SMAD4: variants seen among roughly 807,000 people sequenced by gnomAD.
SMAD4 encodes SMAD family member 4.
Under a neutral mutation model 63.2 loss-of-function variants are expected in SMAD4, and 7 were observed. That is an observed-to-expected ratio of 0.11 (90% CI 0.06 to 0.21). The LOEUF is 0.21. Among genes scored for constraint, SMAD4 ranks in the 10% least tolerant of loss-of-function variants. The pLI is 1.00. For missense variants in SMAD4, 312 were observed against 693.8 expected (o/e 0.45, Z 6.18); for synonymous variants, 215 against 235.4 (o/e 0.91, Z 0.79).
rs1233291131 is a variant in SMAD4, at chr18:51,059,738, C to G, written c.905-128C>G. 57 of 716,098 alleles carry G rather than the reference C, an allele frequency of 8.0e-5. 2 individuals are homozygous for G. In the Admixed American group the frequency reaches 1.2e-3, roughly 15 times the overall value. The allele number at this position is 716,098 out of a possible 1,614,324, so 44.4% of individuals were successfully genotyped here. A position where few individuals can be genotyped will look rare whatever the true frequency, so the allele number is the denominator to read the frequency against. The stretch of plus-strand genomic sequence containing the variant: ...TATTGTAAACTTTTAAGTTCTTAGA[C>G]ATTGCATAAGCTTGTTTTAAACAAT... On this transcript the variant is annotated intron_variant, in intron 7 of 11. Transcript: ENST00000342988.
intron 5 of SMAD4, 145 bp from the exon 6 acceptor site, chr18:51,057,980 T>A: frequency 2.2e-6 from 2 of 911,472 alleles, no homozygotes; most frequent in South Asian, 3.0e-5. Context: ...GTAGGTTTTT[T>A]ACCTGATAGG....
Position 51,065,713 on chromosome 18 carries a change from A to G in SMAD4, c.1139+107A>G, listed in dbSNP as rs921020877. The G allele has an allele frequency of 1.8e-5, 15 of 855,770 alleles. No homozygotes were observed. The Middle Eastern group carries it at 9.8e-4, about 56-fold the overall frequency. The allele number at this position is 855,770 out of a possible 1,614,324, so 53.0% of individuals were successfully genotyped here. On this transcript the variant is annotated intron_variant, in intron 9 of 11. Transcript: ENST00000342988. Reference sequence around the variant, plus strand: ...GTACATTATATGTGTTCTTAAATATAAATAAAGGAATAAAGGTCATGTTGA... The same window carrying G: ...GTACATTATATGTGTTCTTAAATATGAATAAAGGAATAAAGGTCATGTTGA...
Position 51,059,812 on chromosome 18 carries a change from G to C in SMAD4, c.905-54G>C, listed in dbSNP as rs1599191122. On this transcript the variant is annotated intron_variant, in intron 7 of 11. Transcript: ENST00000342988. ...TAAGTAAGATTTACTGAAAGTTTTAGCATTAGACAACTTTTAGTAAATAAA... is the reference window on the plus strand; with the variant it reads ...TAAGTAAGATTTACTGAAAGTTTTACCATTAGACAACTTTTAGTAAATAAA... 4 of 1,308,338 alleles carry C rather than the reference G, an allele frequency of 3.1e-6. No homozygotes were observed. In the East Asian group the frequency reaches 9.2e-5, roughly 30 times the overall value. 81.0% of individuals were successfully genotyped at this position (1,308,338 alleles called of 1,614,324 possible). A position where few individuals can be genotyped will look rare whatever the true frequency, so the allele number is the denominator to read the frequency against.
Position 51,083,903 on chromosome 18 carries a change from T to C in SMAD4, c.*5436T>C, listed in dbSNP as rs1157513314. 2 of 231,390 alleles carry C rather than the reference T, an allele frequency of 8.6e-6. No homozygotes were observed. Among genetic ancestry groups the C allele is most frequent in the African/African-American group, 4.4e-5 (2 of 45,186 alleles). 14.3% of individuals were successfully genotyped at this position (231,390 alleles called of 1,614,324 possible). A position where few individuals can be genotyped will look rare whatever the true frequency, so the allele number is the denominator to read the frequency against. ...GCTTGATATTTTATTACTGTTCTTT[T>C]ATGGACAAAAGGTTACATAGTATGC... On this transcript the variant is annotated 3_prime_UTR_variant, in exon 12 of 12. Transcript: ENST00000342988.
intron 10 of SMAD4, among the ~76,000 whole-genome samples, chr18:51,074,354 C>T (rs762089976): frequency 2.6e-5 from 4 of 151,898 alleles, no homozygotes; most frequent in Non-Finnish European, 4.4e-5. Flanking sequence ...ATCTTAACAA[C>T]AACAACAAAA....
In SMAD4 at chr18:51,056,845, A is replaced by C. The variant is rs149860350; in HGVS notation, c.668-1280A>C. ...CAATTTATGTTCTTTTGACACCTGA[A>C]TATTTTAAGAATTTCCTTTTAAATA... On this transcript the variant is annotated intron_variant, in intron 5 of 11. Transcript: ENST00000342988. Among the ~76,000 whole-genome samples, 128 of 152,296 alleles carry C rather than the reference A, an allele frequency of 8.4e-4. 1 individual carries two copies. The East Asian group carries it at 0.024, about 28-fold the overall frequency.
At chr18:51,069,532 C>A (rs1449259099) in intron 10 of SMAD4, among the ~76,000 whole-genome samples, 2 of 152,032 alleles carry the variant, frequency 1.3e-5, no homozygotes, top group African/African-American at 2.4e-5. Context: ...TTTTTTCTTC[C>A]TGTCATTGCT....
At chr18:51,058,603 A>G in intron 7 of SMAD4, 147 bp downstream of exon 7, 1 of 671,446 alleles carries the variant, frequency 1.5e-6, no homozygotes, top group Non-Finnish European at 2.6e-6. Flanking sequence ...TTTTGTAAAC[A>G]GTATTATTTT....
intron 8 of SMAD4, among the ~76,000 whole-genome samples, chr18:51,063,832 A>T: frequency 6.6e-6 from 1 of 152,206 alleles, no homozygotes; most frequent in East Asian, 1.9e-4. Context: ...ACAAATATTT[A>T]TCTTTGTGAC....
At chr18:51,034,661 C>G (rs780303690) in intron 1 of SMAD4, among the ~76,000 whole-genome samples, 1 of 152,194 alleles carries the variant, frequency 6.6e-6, no homozygotes, top group Non-Finnish European at 1.5e-5. Context: ...CCCACTTCAG[C>G]TGCTGCGGTA....
rs1008530993 is a variant in SMAD4, at chr18:51,075,607, AT to A, written c.1309-1022del. Among the ~76,000 whole-genome samples the A allele has an allele frequency of 1.2e-3, 176 of 151,606 alleles. 1 individual carries two copies. Among genetic ancestry groups the A allele is most frequent in the African/African-American group, 3.4e-3 (141 of 41,346 alleles). The stretch of plus-strand genomic sequence containing the variant: ...GCAAATAAACAAATATTTTAGGAAG[AT>A]TTTTTTTTCCCCAGAAAAAAAGGTG... On this transcript the variant is annotated intron_variant, in intron 10 of 11. Transcript: ENST00000342988.
intron 10 of SMAD4, among the ~76,000 whole-genome samples, chr18:51,070,777 A>C (rs1188985310): frequency 6.6e-6 from 1 of 152,168 alleles, no homozygotes; most frequent in Non-Finnish European, 1.5e-5. Flanking sequence ...TTAGTCACTG[A>C]GTAGCGAGCT....
chr18:51,048,366 C>A (rs1909607441), intron 2 of SMAD4, among the ~76,000 whole-genome samples: 1 of 152,142 alleles, frequency 6.6e-6, no homozygotes, highest in South Asian at 2.1e-4. Flanking sequence ...CCATGTTGTC[C>A]AGGCTGGTCT....
At chr18:51,076,603 A>T (rs763085683) in intron 10 of SMAD4, 35 bp from the exon 11 acceptor site, 14 of 1,601,250 alleles carry the variant, frequency 8.7e-6, no homozygotes, top group Non-Finnish European at 1.2e-5. Flanking sequence ...ATTTTTCTTT[A>T]TGAACTCATA....
rs549915676 is a variant in SMAD4 at position 51,042,136 on chromosome 18, C to T, written c.-127-4784C>T. Among the ~76,000 whole-genome samples, 19 of 152,182 alleles carry T rather than the reference C, an allele frequency of 1.2e-4. No individual in the cohort carries two copies. The South Asian group carries it at 1.7e-3, about 13-fold the overall frequency. Reference sequence around the variant, plus strand: ...TGCCATCCTGCAATGTGAGAGACAGCGAATAATTATCTTGCATCCCACAAG... The same window carrying T: ...TGCCATCCTGCAATGTGAGAGACAGTGAATAATTATCTTGCATCCCACAAG... On this transcript the variant is annotated intron_variant, in intron 1 of 11. Transcript: ENST00000342988.
At chr18:51,055,089 A>G (rs962428741) in intron 5 of SMAD4, 96 bp downstream of exon 5, 111 of 889,318 alleles carry the variant, frequency 1.2e-4, no homozygotes, top group Non-Finnish European at 1.9e-4. Flanking sequence ...AAGTAAGTAA[A>G]CATTAAAAGT....
At chr18:51,044,787 A>T (rs1909490527) in intron 1 of SMAD4, among the ~76,000 whole-genome samples, 1 of 152,102 alleles carries the variant, frequency 6.6e-6, no homozygotes, top group African/African-American at 2.4e-5. Context: ...GCTTCTGTAT[A>T]CCCTCCTTTT....
intron 1 of SMAD4, among the ~76,000 whole-genome samples, chr18:51,032,769 GGTTAACCCTACAGAATCT>G (rs1909088997): frequency 2.0e-5 from 3 of 152,048 alleles, no homozygotes; most frequent in Admixed American, 2.0e-4. Flanking sequence ...CTGCTAGGGA[GGTTAACCCTACAGAATCT>G]GTAGGGTTCA....
intron 10 of SMAD4, among the ~76,000 whole-genome samples, chr18:51,069,485 A>T (rs1018859309): frequency 1.3e-5 from 2 of 152,102 alleles, no homozygotes; most frequent in Non-Finnish European, 2.9e-5. Flanking sequence ...TCGTGGGCCA[A>T]GTTTGTTTTG....
Sources: gnomAD v4.1 joint callset for allele counts (sites outside exome capture counted in the v4.1 genomes callset) on GRCh38, gnomAD v4.1.1 for gene constraint, MANE v1.5 for transcripts, NCBI Gene and HGNC (gene_info 2026-07-23, HGNC 2026-07-21) for gene names.